The following ADAMTS16 variants were observed in gnomAD, a reference collection of about 807,000 sequenced individuals.
ADAMTS16 encodes the protein A disintegrin and metalloproteinase with thrombospondin motifs 16.
ADAMTS16 carries 94 observed loss-of-function variants against 145.8 expected under a neutral mutation model. That is an observed-to-expected ratio of 0.64 (90% CI 0.55 to 0.77). The LOEUF is 0.77. Among genes scored for constraint, ADAMTS16 ranks in the 30% least tolerant of loss-of-function variants. ADAMTS16 has a pLI of 0.00. For synonymous variants in ADAMTS16, 659 were observed against 604.3 expected (o/e 1.09, Z -1.33); for missense variants, 1,585 against 1,591.5 (o/e 1.00, Z 0.07).
Position 5,319,328 on chromosome 5 carries a change from C to T in ADAMTS16, c.*190C>T, listed in dbSNP as rs2126543792. 4 of 572,892 alleles carry T rather than the reference C, an allele frequency of 7.0e-6. No homozygotes were observed. The highest frequency in any genetic ancestry group is 1.3e-5 in the Non-Finnish European group (4 of 318,674). The allele number at this position is 572,892 out of a possible 1,614,324, so 35.5% of individuals were successfully genotyped here. A position where few individuals can be genotyped will look rare whatever the true frequency, so the allele number is the denominator to read the frequency against. On this transcript the variant is annotated 3_prime_UTR_variant, in exon 23 of 23. Transcript: ENST00000274181. ...GAGCCTGGGTGCAGACCTGTGTCCCCATGCACACAGTGTCTCCTGTCAGGC... is the reference window on the plus strand; with the variant it reads ...GAGCCTGGGTGCAGACCTGTGTCCCTATGCACACAGTGTCTCCTGTCAGGC...
intron 20 of ADAMTS16, among the ~76,000 whole-genome samples, chr5:5,305,108 A>G (rs1740019307): frequency 2.1e-5 from 1 of 47,500 alleles, no homozygotes. Context: ...CACACATCCC[A>G]CACCACACAC....
chr5:5,258,550 G>A (rs1459813787), intron 17 of ADAMTS16, among the ~76,000 whole-genome samples: 4 of 152,236 alleles, frequency 2.6e-5, no homozygotes, highest in Admixed American at 2.6e-4. Flanking sequence ...GAACCGGTGA[G>A]CCAAGGAATC....
chr5:5,291,664 C>A (rs1739325656), intron 18 of ADAMTS16, among the ~76,000 whole-genome samples: 1 of 139,050 alleles, frequency 7.2e-6, no homozygotes, highest in Non-Finnish European at 1.6e-5. Context: ...CCCCCCACCC[C>A]CACACCACAA....
rs1348423089 is a variant in ADAMTS16 at position 5,169,784 on chromosome 5, C to G, written c.502-12260C>G. Among the ~76,000 whole-genome samples the G allele has an allele frequency of 1.3e-5, 2 of 152,174 alleles. 1 individual carries two copies. The highest frequency in any genetic ancestry group is 4.1e-4 in the South Asian group (2 of 4,824). On this transcript the variant is annotated intron_variant, in intron 3 of 22. Transcript: ENST00000274181. Reference sequence around the variant, plus strand: ...AGAGGGTGCTTACTGAGTTCCTGTTCTCGCCTGCTCATGTGCCCTCGGGTT... The same window carrying G: ...AGAGGGTGCTTACTGAGTTCCTGTTGTCGCCTGCTCATGTGCCCTCGGGTT...
intron 7 of ADAMTS16, among the ~76,000 whole-genome samples, chr5:5,190,436 G>A (rs763583452): frequency 1.2e-4 from 19 of 152,104 alleles, no homozygotes; most frequent in African/African-American, 3.6e-4. Context: ...TGGATAGATC[G>A]AAGGCTTTCT....
At position 5,168,609 on chromosome 5, in the gene ADAMTS16, AT is replaced by A. The variant is rs1464869935; in HGVS notation, c.502-13430del. Among the ~76,000 whole-genome samples the A allele has an allele frequency of 1.1e-4, 13 of 113,960 alleles. No homozygotes were observed. The East Asian group carries it at 1.7e-3, about 15-fold the overall frequency. 74.8% of individuals were successfully genotyped at this position (113,960 alleles called of 152,430 possible). A position where few individuals can be genotyped will look rare whatever the true frequency, so the allele number is the denominator to read the frequency against. ...TATATTATATATAATATATAATTAT[AT>A]TTTTATATATTATATTATATATAAT... On this transcript the variant is annotated intron_variant, in intron 3 of 22. Coordinates refer to ENST00000274181, the MANE Select transcript of ADAMTS16 (RefSeq NM_139056.4).
chr5:5,270,722 T>C (rs770837052), intron 18 of ADAMTS16, among the ~76,000 whole-genome samples: 4 of 152,240 alleles, frequency 2.6e-5, no homozygotes, highest in Non-Finnish European at 5.9e-5. Flanking sequence ...TCTTCTGAAA[T>C]GCAAAATATA....
chr5:5,311,608 G>T (rs1424571697), intron 21 of ADAMTS16, among the ~76,000 whole-genome samples: 1 of 150,588 alleles, frequency 6.6e-6, no homozygotes, highest in Non-Finnish European at 1.5e-5. Flanking sequence ...GTGCAGTGGG[G>T]TGATCTTGGC....
At position 5,317,795 on chromosome 5, in the gene ADAMTS16, T is replaced by C. The variant is rs1455451343; in HGVS notation, c.3412-339T>C. Among the ~76,000 whole-genome samples, 3 of 152,174 alleles carry C rather than the reference T, an allele frequency of 2.0e-5. No homozygotes were observed. The highest frequency in any genetic ancestry group is 2.9e-5 in the Non-Finnish European group (2 of 68,038). Reference sequence around the variant, plus strand: ...TAGAATCCAACTCTAGCGGTTCAAATCCCAGCCTGAGCAAGTCCTGTCACC... The same window carrying C: ...TAGAATCCAACTCTAGCGGTTCAAACCCCAGCCTGAGCAAGTCCTGTCACC... On this transcript the variant is annotated intron_variant, in intron 21 of 22. Coordinates refer to ENST00000274181, the MANE Select transcript of ADAMTS16 (RefSeq NM_139056.4). This position sits in a 1 kb window ranked among gnomAD's most constrained non-coding sequence, Gnocchi z 4.5.
At position 5,310,158 on chromosome 5, in the gene ADAMTS16, G is replaced by A. The variant is rs1002676937; in HGVS notation, c.3411+3430G>A. ...CTCAGCAGCCAAGCATCCCCCAAAT[G>A]CTTGGTCAGATGGAACCATTTGTCC... On this transcript the variant is annotated intron_variant, in intron 21 of 22. Transcript: ENST00000274181. The surrounding 1 kb of genome is among the most constrained non-coding windows in gnomAD (Gnocchi z 4.3). 5.3e-5 allele frequency among the ~76,000 whole-genome samples: 8 copies of A among 152,188 alleles called. No homozygotes were observed. Among genetic ancestry groups the A allele is most frequent in the Non-Finnish European group, 8.8e-5 (6 of 68,008 alleles).
chr5:5,247,627 G>A (rs111874604), intron 17 of ADAMTS16, among the ~76,000 whole-genome samples: 6 of 152,324 alleles, frequency 3.9e-5, no homozygotes, highest in African/African-American at 1.4e-4. Flanking sequence ...TTCCCACTAC[G>A]TGGCCATGGC....
chr5:5,166,994 ACCCTACCTGATGAC>A (rs1399566134), intron 3 of ADAMTS16, among the ~76,000 whole-genome samples: 1 of 152,058 alleles, frequency 6.6e-6, no homozygotes, highest in Non-Finnish European at 1.5e-5. Context: ...TTTAATGATG[ACCCTACCTGATGAC>A]CCTATGTAAA....
chr5:5,171,418 T>C (rs536268686), intron 3 of ADAMTS16, among the ~76,000 whole-genome samples: 6 of 152,298 alleles, frequency 3.9e-5, no homozygotes, highest in Middle Eastern at 3.4e-3. Flanking sequence ...CTGCTGTATA[T>C]GGCTTTTATT....
In ADAMTS16 at chr5:5,286,885, A is replaced by AAAAATG. The variant is rs1456081255; in HGVS notation, c.2790-16383_2790-16382insAAAATG. 5.7e-5 allele frequency among the ~76,000 whole-genome samples: 3 copies of AAAAATG among 52,198 alleles called. 1 individual carries two copies. Among genetic ancestry groups the AAAAATG allele is most frequent in the Admixed American group, 3.1e-4 (2 of 6,414 alleles). The allele number at this position is 52,198 out of a possible 152,430, so 34.2% of individuals were successfully genotyped here. ...AAAAAAAAAAAAAAAAAAAAAAAAG[A>AAAAATG]GTTTTTATAACCCTTTAGTATGTGC... is the stretch of plus-strand genomic sequence containing the variant. On this transcript the variant is annotated intron_variant, in intron 18 of 22. Transcript: ENST00000274181.
chr5:5,199,197 T>A (rs1194576617), intron 8 of ADAMTS16, among the ~76,000 whole-genome samples: 1 of 152,142 alleles, frequency 6.6e-6, no homozygotes, highest in African/African-American at 2.4e-5. Flanking sequence ...AGAGACTTGC[T>A]GATGACGGAG....
chr5:5,154,257 G>A (rs1185578456), intron 3 of ADAMTS16, among the ~76,000 whole-genome samples: 1 of 152,152 alleles, frequency 6.6e-6, no homozygotes, highest in Non-Finnish European at 1.5e-5. Flanking sequence ...GTCAGTCTTG[G>A]GAGGCATGTG....
chr5:5,209,162 G>T lies in ADAMTS16; in HGVS notation c.1521G>T (p.Leu507Phe). The T allele has an allele frequency of 6.2e-7, 1 of 1,614,018 alleles. No homozygotes were observed. The highest frequency in any genetic ancestry group is 8.5e-7 in the Non-Finnish European group (1 of 1,179,936). The change falls in exon 10 of 23, where the codon TTG (leucine) becomes TTT (phenylalanine). Residue 507 changes from leucine (L) to phenylalanine (F), a missense_variant. Physicochemically the swap from Leu to Phe is conservative, Grantham distance 22 (BLOSUM62 0). Transcript: ENST00000274181. Reference sequence around the variant, plus strand: ...AGGAATACAAGTATCCTGAGAAATTGCCAGGAGAATTATATGATGCAAACA... The same window carrying T: ...AGGAATACAAGTATCCTGAGAAATTTCCAGGAGAATTATATGATGCAAACA... ...PVKEYKYPEKLPGELYDANTQ... is the reference protein window; with the variant it reads ...PVKEYKYPEKFPGELYDANTQ...
intron 14 of ADAMTS16, 54 bp downstream of exon 14, chr5:5,237,153 G>A: frequency 6.3e-7 from 1 of 1,581,288 alleles, no homozygotes; most frequent in Non-Finnish European, 8.6e-7. Context: ...TCTGCTTTGT[G>A]TCAAGCATCC....
intron 11 of ADAMTS16, among the ~76,000 whole-genome samples, chr5:5,224,478 C>T (rs1158459918): frequency 3.3e-5 from 5 of 152,006 alleles, no homozygotes; most frequent in Admixed American, 6.6e-5. Flanking sequence ...TTAGTAGAGA[C>T]GGGGTTTCAC....
Sources: allele counts gnomAD v4.1 joint callset (sites outside exome capture counted in the v4.1 genomes callset), GRCh38; gene constraint gnomAD v4.1.1; non-coding constraint Gnocchi (gnomAD v3.1); transcripts MANE v1.5; gene names NCBI Gene and HGNC (gene_info 2026-07-23, HGNC 2026-07-21).